Variants in ZFP90 observed in about 807,000 individuals in gnomAD.
ZFP90 encodes the protein zinc finger protein 90 homolog.
Under a neutral mutation model 60.8 loss-of-function variants are expected in ZFP90, and 38 were observed. The observed-to-expected ratio is 0.62, with a 90% CI of 0.48 to 0.82. The LOEUF is 0.82. Ranked by LOEUF, ZFP90 falls within the 40% of genes least tolerant of loss-of-function variation. The pLI, the probability that ZFP90 is intolerant of heterozygous loss-of-function variation, is 0.00. For synonymous variants in ZFP90, 287 were observed against 264.8 expected (o/e 1.08, Z -0.82); for missense variants, 711 against 759.1 (o/e 0.94, Z 0.74).
chr16:68,554,199 G>T (rs2152067535), intron 2 of ZFP90, among the ~76,000 whole-genome samples: 1 of 150,854 alleles, frequency 6.6e-6, no homozygotes, highest in Middle Eastern at 3.4e-3. Flanking sequence ...TCGGCTCATT[G>T]CAGTTTCCAC....
intron 2 of ZFP90, among the ~76,000 whole-genome samples, chr16:68,552,004 C>G (rs2091270316): frequency 6.6e-6 from 1 of 152,046 alleles, no homozygotes; most frequent in Non-Finnish European, 1.5e-5. Context: ...TCGTGATCCA[C>G]CCGCCTTGGC....
chr16:68,565,436 C>A lies in ZFP90; in HGVS notation c.*738C>A. The A allele has an allele frequency of 1.0e-6, 1 of 985,556 alleles. No individual in the cohort carries two copies. Among genetic ancestry groups the A allele is most frequent in the African/African-American group, 1.7e-5 (1 of 57,360 alleles). 61.1% of individuals were successfully genotyped at this position (985,556 alleles called of 1,614,324 possible). A position where few individuals can be genotyped will look rare whatever the true frequency, so the allele number is the denominator to read the frequency against. ...GAATTCTTAAAAGTATAAGTGGGAG[C>A]AAAATGTATGCAAATTTATCACAAA... On this transcript the variant is annotated 3_prime_UTR_variant, in exon 5 of 5. Transcript: ENST00000563169.
intron 4 of ZFP90, 44 bp from the exon 5 acceptor site, chr16:68,563,000 A>G: frequency 6.2e-7 from 1 of 1,609,822 alleles, no homozygotes; most frequent in Non-Finnish European, 8.5e-7. Context: ...AGTGTATTTC[A>G]ACAGGAAGGA....
chr16:68,558,193 G>A, intron 3 of ZFP90, 69 bp downstream of exon 3: 1 of 1,593,688 alleles, frequency 6.3e-7, no homozygotes. Flanking sequence ...TATAGTGGTG[G>A]TGCCCAGAGC....
chr16:68,544,009 C>A (rs556507137), intron 2 of ZFP90, among the ~76,000 whole-genome samples: 1 of 151,976 alleles, frequency 6.6e-6, no homozygotes, highest in Admixed American at 6.6e-5. Context: ...TGCACCACCA[C>A]GCCCGGCTAA....
chr16:68,544,803 T>C (rs1186091483), intron 2 of ZFP90, among the ~76,000 whole-genome samples: 4 of 150,712 alleles, frequency 2.7e-5, no homozygotes, highest in Non-Finnish European at 4.4e-5. Flanking sequence ...CAGCTGAGAT[T>C]GCACCTTCCC....
At position 68,566,381 on chromosome 16, in the gene ZFP90, T is replaced by A; in HGVS notation, c.*1683T>A. The A allele has an allele frequency of 5.1e-6, 5 of 985,528 alleles. No individual in the cohort carries two copies. The highest frequency in any genetic ancestry group is 6.0e-6 in the Non-Finnish European group (5 of 829,932). The allele number at this position is 985,528 out of a possible 1,614,324, so 61.0% of individuals were successfully genotyped here. ...CCTAAATATGAATCATGGGGCAAGA[T>A]ATTGGTCGTATTGATGGTGAACCTT... On this transcript the variant is annotated 3_prime_UTR_variant, in exon 5 of 5. Transcript: ENST00000563169.
chr16:68,569,500 C>G (rs1211294052), downstream of ZFP90, among the ~76,000 whole-genome samples: 1 of 152,192 alleles, frequency 6.6e-6, no homozygotes, highest in African/African-American at 2.4e-5. Context: ...CATTGTCCCA[C>G]TCTTTTAAGT....
At chr16:68,570,378 C>T (rs2152078330), downstream of ZFP90, among the ~76,000 whole-genome samples, 1 of 152,316 alleles carries the variant, frequency 6.6e-6, no homozygotes. Context: ...TGGAATTGCT[C>T]CTGTGAAGCA....
At chr16:68,554,121 TTTTG>T (rs1279695697) in intron 2 of ZFP90, among the ~76,000 whole-genome samples, 32 of 56,554 alleles carry the variant, frequency 5.7e-4, no homozygotes, top group African/African-American at 2.2e-3. Context: ...TTGTGTTTTG[TTTTG>T]TTTTTTTTTT....
intron 2 of ZFP90, among the ~76,000 whole-genome samples, chr16:68,540,823 AAAAAAAAT>A (rs1282107061): frequency 0.029 from 4,285 of 149,218 alleles, 288 homozygotes; most frequent in African/African-American, 0.1. Context: ...AAAAAAAAAA[AAAAAAAAT>A]TTAAAAGATA....
chr16:68,535,671 AAAAG>A (rs1352258264), upstream of ZFP90: 1 of 151,236 alleles, frequency 6.6e-6, no homozygotes, highest in Non-Finnish European at 1.5e-5. Context: ...GAAATAAAAA[AAAAG>A]AAAAACAAAG....
At chr16:68,560,963 C>T (rs192212685) in intron 4 of ZFP90, among the ~76,000 whole-genome samples, 221 of 150,598 alleles carry the variant, frequency 1.5e-3, no homozygotes, top group African/African-American at 5.2e-3. Flanking sequence ...GGCATGATCT[C>T]GTCTCACTGC....
intron 4 of ZFP90, among the ~76,000 whole-genome samples, chr16:68,560,578 C>G (rs1317170140): frequency 6.8e-6 from 1 of 147,050 alleles, no homozygotes; most frequent in Non-Finnish European, 1.5e-5. Flanking sequence ...TATTTTGAGA[C>G]AGAATCTCAC....
intron 2 of ZFP90, among the ~76,000 whole-genome samples, chr16:68,557,604 G>A (rs1050529398): frequency 6.6e-6 from 1 of 151,724 alleles, no homozygotes; most frequent in African/African-American, 2.4e-5. Context: ...ATTAAGAGTG[G>A]TTATTTCTGA....
chr16:68,567,484 G>C (rs1270496201), downstream of ZFP90, among the ~76,000 whole-genome samples: 1 of 152,172 alleles, frequency 6.6e-6, no homozygotes, highest in Non-Finnish European at 1.5e-5. Context: ...GCTAATCAGA[G>C]TCCTTTGCCA....
Position 68,563,266 on chromosome 16 carries a change from T to A in ZFP90, c.479T>A (p.Phe160Tyr). The change falls in exon 5 of 5, where the codon TTT becomes TAT. Residue 160 changes from phenylalanine to tyrosine, a missense_variant. Phe to Tyr is a conservative substitution (Grantham distance 22, BLOSUM62 3). Coordinates refer to ENST00000563169, the MANE Select transcript of ZFP90 (RefSeq NM_001305203.2). ...CAAGAAAATTTTGAGCAAAATAAAT[T>A]TGGTGAAAATTCTAGATTGAACACC... ...TPQENFEQNK[F>Y]GENSRLNTNL... 6.2e-7 allele frequency: 1 copy of A among 1,613,722 alleles called. No individual in the cohort carries two copies. The highest frequency in any genetic ancestry group is 8.5e-7 in the Non-Finnish European group (1 of 1,179,866).
At chr16:68,554,217 G>C (rs571519115) in intron 2 of ZFP90, among the ~76,000 whole-genome samples, 10 of 151,940 alleles carry the variant, frequency 6.6e-5, no homozygotes, top group African/African-American at 2.4e-4. Context: ...CACCTCCCGG[G>C]TTCAAGTGAT....
downstream of ZFP90, among the ~76,000 whole-genome samples, chr16:68,569,212 C>G (rs1408279825): frequency 4.7e-5 from 7 of 147,554 alleles, no homozygotes; most frequent in Admixed American, 4.8e-4. Context: ...TCTCAACTCA[C>G]TGCAACTTCC....
Sources: gnomAD v4.1 joint callset for allele counts (sites outside exome capture counted in the v4.1 genomes callset) on GRCh38, gnomAD v4.1.1 for gene constraint, MANE v1.5 for transcripts, NCBI Gene and HGNC (gene_info 2026-07-23, HGNC 2026-07-21) for gene names.